The following IGFALS variants were observed in gnomAD, a reference collection of about 807,000 sequenced individuals.
IGFALS encodes insulin-like growth factor-binding protein complex acid labile subunit.
A neutral mutation model predicts 2.6 loss-of-function variants in IGFALS; 2 were observed. The ratio of observed to expected loss-of-function variants is 0.77; its 90% CI spans 0.32 to 2.44. The LOEUF (loss-of-function observed/expected upper bound fraction) is 2.44, where lower values mean the gene tolerates loss of function less well. Ranked by LOEUF, IGFALS falls within the 30% of genes most tolerant of loss-of-function variation. The pLI is 0.11. For synonymous variants in IGFALS, 519 were observed against 431.9 expected, an observed-to-expected ratio of 1.20 and a Z score of -2.50; for missense variants, 996 against 848.7, an observed-to-expected ratio of 1.17 and a Z score of -2.16.
chr16:1,793,124 G>A (rs908116023), intron 1 of IGFALS, among the ~76,000 whole-genome samples: 12 of 152,228 alleles, frequency 7.9e-5, no homozygotes, highest in Admixed American at 5.9e-4. Flanking sequence ...CTCAGAGAGT[G>A]TGGAATTGCT....
At chr16:1,793,389 CCT>C (rs1238647234) in intron 1 of IGFALS, among the ~76,000 whole-genome samples, 5 of 152,130 alleles carry the variant, frequency 3.3e-5, no homozygotes, top group African/African-American at 1.2e-4. Context: ...GCCCTCCTCC[CCT>C]GTGCCGCCGC....
upstream of IGFALS, among the ~76,000 whole-genome samples, chr16:1,794,489 A>G (rs947022303): frequency 6.6e-6 from 1 of 152,022 alleles, no homozygotes; most frequent in African/African-American, 2.4e-5. Flanking sequence ...GCCGCCCCAC[A>G]GTCACCGCTT....
Position 1,791,939 on chromosome 16 carries a change from C to T in IGFALS, c.479G>A (p.Arg160Lys), listed in dbSNP as rs776330405. ...SLGLSNNRLS[R>K]LEDGLFEGLG... is the part of the protein sequence containing the mutation. ...GCCCTCGAAGAGCCCGTCCTCCAGC[C>T]TGCTCAGACGGTTGTTGCTGAGGCC... Residue 160 changes from arginine (R) to lysine (K), a missense_variant, in exon 2 of 2, where the codon AGG (arginine) becomes AAG (lysine). By Grantham distance (26) the Arg-to-Lys change is conservative. Coordinates refer to ENST00000215539, the MANE Select transcript of IGFALS (RefSeq NM_004970.3). The T allele has an allele frequency of 1.3e-6, 2 of 1,589,932 alleles. No homozygotes were observed. The highest frequency in any genetic ancestry group is 1.7e-6 in the Non-Finnish European group (2 of 1,170,056).
rs1033116111 is a variant in IGFALS at position 1,792,315 on chromosome 16, C to A, written c.103G>T (p.Glu35Ter). Reference protein sequence around the residue: ...LEGADPGTPGEAEGPACPAAC... With the variant: ...LEGADPGTPG ...GCCGGGCACGCTGGGCCCTCGGCTT[C>A]CCCCGGCGTTCCGGGGTCTGCTCCC... Residue 35 changes from glutamate to a stop codon, truncating the protein, a stop_gained, in exon 2 of 2, where the codon GAA becomes TAA. Coordinates refer to ENST00000215539, the MANE Select transcript of IGFALS (RefSeq NM_004970.3). LOFTEE classifies it low-confidence loss of function (END_TRUNC). 6.3e-7 allele frequency: 1 copy of A among 1,596,694 alleles called. No homozygotes were observed.
rs1026935060 is a variant in IGFALS at position 1,793,664 on chromosome 16, G to T, written c.-12C>A. 1 of 1,593,360 alleles carries T rather than the reference G, an allele frequency of 6.3e-7. No homozygotes were observed. The highest frequency in any genetic ancestry group is 1.7e-5 in the Admixed American group (1 of 58,064). ...TTCCTCAGGGCCATCCTGCATGCAG[G>T]GCAGGCTGCAGGCAGGCAGCGAGGG... On this transcript the variant is annotated 5_prime_UTR_variant, in exon 1 of 2. Coordinates refer to ENST00000215539, the MANE Select transcript of IGFALS (RefSeq NM_004970.3).
chr16:1,792,369 A>G lies in IGFALS; in HGVS notation c.49T>C (p.Trp17Arg). ...AGGCTGCGGGGGCCCAGTGCCACCC[A>G]GGACAGCAGCAGCAGCGCCAGGGCC... ...GLALALLLLS[W>R]VALGPRSLEG... The change falls in exon 2 of 2, where the codon TGG (tryptophan) becomes CGG (arginine). Residue 17 changes from tryptophan (W) to arginine (R), a missense_variant. Coordinates refer to ENST00000215539, the MANE Select transcript of IGFALS (RefSeq NM_004970.3). 6.3e-7 allele frequency: 1 copy of G among 1,584,584 alleles called. No individual in the cohort carries two copies. The highest frequency in any genetic ancestry group is 8.5e-7 in the Non-Finnish European group (1 of 1,169,630).
In IGFALS at chr16:1,793,631, C is replaced by T. The variant is rs752481536; in HGVS notation, c.16+6G>A. 6.3e-7 allele frequency: 1 copy of T among 1,595,354 alleles called. No homozygotes were observed. Among genetic ancestry groups the T allele is most frequent in the African/African-American group, 1.3e-5 (1 of 74,572 alleles). On this transcript the variant is annotated splice_donor_region_variant and intron_variant, in intron 1 of 1. Transcript: ENST00000215539. ...GAGTGGGTGGCGGGGCACTCGGGGG[C>T]CTCACCTTTCCTCAGGGCCATCCTG...
chr16:1,793,983 C>G (rs138445556), upstream of IGFALS, among the ~76,000 whole-genome samples: 1 of 152,134 alleles, frequency 6.6e-6, no homozygotes, highest in East Asian at 1.9e-4. Flanking sequence ...GTGGGGACCC[C>G]TTGCAGCAGC....
Position 1,791,465 on chromosome 16 carries a change from T to C in IGFALS, c.953A>G (p.Glu318Gly). 6.2e-7 allele frequency: 1 copy of C among 1,612,286 alleles called. No homozygotes were observed. ...RTFKDLHFLEELQLGHNRIRQ... is the reference protein window; with the variant it reads ...RTFKDLHFLEGLQLGHNRIRQ... ...GATGCGGTTGTGGCCCAGCTGCAGC[T>C]CCTCCAGGAAGTGCAGGTCCTTGAA... The change falls in exon 2 of 2, where the codon GAG becomes GGG. Residue 318 changes from glutamate to glycine, a missense_variant. By Grantham distance (98) the Glu-to-Gly change is moderately conservative (BLOSUM62 -2). Transcript: ENST00000215539.
At chr16:1,793,798 A>C, upstream of IGFALS, 4 of 725,924 alleles carry the variant, frequency 5.5e-6, no homozygotes, top group South Asian at 2.0e-5. Flanking sequence ...GGCTCTGTTA[A>C]CCCCCTCGTG....
At position 1,790,962 on chromosome 16, in the gene IGFALS, A is replaced by C; in HGVS notation, c.1456T>G (p.Trp486Gly). ...DALGPLQRAFWLDVSHNRLEA... is the reference protein window; with the variant it reads ...DALGPLQRAFGLDVSHNRLEA... Reference sequence around the variant, plus strand: ...AGGCGGTTGTGCGAGACGTCCAGCCAGAAGGCCCGCTGCAGGGGGCCCAGG... The same window carrying C: ...AGGCGGTTGTGCGAGACGTCCAGCCCGAAGGCCCGCTGCAGGGGGCCCAGG... Residue 486 changes from tryptophan (W) to glycine (G), a missense_variant, in exon 2 of 2, where the codon TGG (tryptophan) becomes GGG (glycine). Physicochemically the swap from Trp to Gly is radical, Grantham distance 184 (BLOSUM62 -2). Transcript: ENST00000215539. 6 of 1,596,960 alleles carry C rather than the reference A, an allele frequency of 3.8e-6. No homozygotes were observed. The highest frequency in any genetic ancestry group is 5.1e-6 in the Non-Finnish European group (6 of 1,179,022).
Position 1,790,748 on chromosome 16 carries a change from G to A in IGFALS, c.1670C>T (p.Ala557Val), listed in dbSNP as rs1236991661. 1.2e-6 allele frequency: 2 copies of A among 1,603,220 alleles called. No individual in the cohort carries two copies. The highest frequency in any genetic ancestry group is 1.7e-5 in the Admixed American group (1 of 58,496). ...LRDFALQNPS[A>V]VPRFVQAICE... ...GATGGCCTGGACGAAGCGGGGCACAGCACTGGGGTTCTGCAGGGCGAAGTC... is the reference window on the plus strand; with the variant it reads ...GATGGCCTGGACGAAGCGGGGCACAACACTGGGGTTCTGCAGGGCGAAGTC... Residue 557 changes from alanine (A) to valine (V), a missense_variant, in exon 2 of 2, where the codon GCT (alanine) becomes GTT (valine). By Grantham distance (64) the Ala-to-Val change is moderately conservative. Transcript: ENST00000215539.
chr16:1,792,505 G>A (rs903386241), intron 1 of IGFALS, 104 bp from the exon 2 acceptor site: 21 of 1,436,220 alleles, frequency 1.5e-5, no homozygotes, highest in East Asian at 2.5e-5. Flanking sequence ...ACTGAGGCTC[G>A]AGGTCACCCG....
rs770763928 is a variant in IGFALS, at chr16:1,793,644, C to G, written c.9G>C (p.Leu3=). The G allele has an allele frequency of 1.9e-6, 3 of 1,596,966 alleles. No individual in the cohort carries two copies. The highest frequency in any genetic ancestry group is 2.6e-6 in the Non-Finnish European group (3 of 1,171,610). The part of the protein sequence containing the change: MA[L]RKGGLALALL... Reference sequence around the variant, plus strand: ...GGCACTCGGGGGCCTCACCTTTCCTCAGGGCCATCCTGCATGCAGGGCAGG... The same window carrying G: ...GGCACTCGGGGGCCTCACCTTTCCTGAGGGCCATCCTGCATGCAGGGCAGG... The change falls in exon 1 of 2, where the codon CTG becomes CTC. Residue 3 remains leucine, a synonymous_variant. Coordinates refer to ENST00000215539, the MANE Select transcript of IGFALS (RefSeq NM_004970.3).
chr16:1,791,841 G>T lies in IGFALS; in HGVS notation c.577C>A (p.Leu193Met). 1 of 1,551,248 alleles carries T rather than the reference G, an allele frequency of 6.4e-7. No individual in the cohort carries two copies. The change falls in exon 2 of 2, where the codon CTG (leucine) becomes ATG (methionine). Residue 193 changes from leucine to methionine, a missense_variant. By Grantham distance (15) the Leu-to-Met change is conservative. Transcript: ENST00000215539. Reference protein sequence around the residue: ...AVLPDAAFRGLGSLRELVLAG... With the variant: ...AVLPDAAFRGMGSLRELVLAG... ...AGCACCAGCTCGCGCAGGCTGCCCA[G>T]GCCGCGGAACGCCGCATCGGGGAGC...
chr16:1,793,576 G>T, intron 1 of IGFALS, 61 bp downstream of exon 1: 1 of 1,534,692 alleles, frequency 6.5e-7, no homozygotes, highest in South Asian at 1.2e-5. Flanking sequence ...TCTCCCCAGC[G>T]GGCTCAGGGT....
Position 1,791,257 on chromosome 16 carries a change from C to G in IGFALS, c.1161G>C (p.Lys387Asn). ...LPEQVFRGLGKLHSLHLEGSC... is the reference protein window; with the variant it reads ...LPEQVFRGLGNLHSLHLEGSC... Reference sequence around the variant, plus strand: ...TGCCCTCCAGGTGCAGGCTGTGCAGCTTGCCCAGGCCCCGGAACACCTGCT... The same window carrying G: ...TGCCCTCCAGGTGCAGGCTGTGCAGGTTGCCCAGGCCCCGGAACACCTGCT... Residue 387 changes from lysine to asparagine, a missense_variant, in exon 2 of 2, where the codon AAG becomes AAC. Lys to Asn is a moderately conservative substitution (Grantham distance 94, BLOSUM62 0). Transcript: ENST00000215539. The G allele has an allele frequency of 6.2e-7, 1 of 1,609,006 alleles. No homozygotes were observed. The highest frequency in any genetic ancestry group is 8.5e-7 in the Non-Finnish European group (1 of 1,179,908).
rs201115867 is a variant in IGFALS, at chr16:1,790,642, G to A, written c.1776C>T (p.Leu592=). 39 of 1,588,536 alleles carry A rather than the reference G, an allele frequency of 2.5e-5. No individual in the cohort carries two copies. The African/African-American group carries it at 3.5e-4, about 14-fold the overall frequency. The part of the protein sequence containing the change: ...TCASPPEVVG[L]DLRDLSEAHF... The stretch of plus-strand genomic sequence containing the variant: ...GGGCCTCGCTGAGGTCCCGCAGGTC[G>A]AGCCCCACGACCTCGGGCGGGCTGG... The change falls in exon 2 of 2, where the codon CTC becomes CTT. Residue 592 remains leucine (L), a synonymous_variant. Coordinates refer to ENST00000215539, the MANE Select transcript of IGFALS (RefSeq NM_004970.3).
At position 1,791,487 on chromosome 16, in the gene IGFALS, T is replaced by C. The variant is rs1166055311; in HGVS notation, c.931A>G (p.Lys311Glu). The change falls in exon 2 of 2, where the codon AAG becomes GAG. Residue 311 changes from lysine to glutamate, a missense_variant. By Grantham distance (56) the Lys-to-Glu change is moderately conservative. Transcript: ENST00000215539. ...AGCTCCTCCAGGAAGTGCAGGTCCT[T>C]GAAGGTGCGGGGCCGCAGGCTGGCG... ...AIASLRPRTFKDLHFLEELQL... is the reference protein window; with the variant it reads ...AIASLRPRTFEDLHFLEELQL... The C allele has an allele frequency of 6.2e-7, 1 of 1,611,654 alleles. No individual in the cohort carries two copies. The highest frequency in any genetic ancestry group is 1.7e-5 in the Admixed American group (1 of 59,902).
Sources: gnomAD v4.1 joint callset for allele counts (sites outside exome capture counted in the v4.1 genomes callset) on GRCh38, gnomAD v4.1.1 for gene constraint, MANE v1.5 for transcripts, NCBI Gene and HGNC (gene_info 2026-07-23, HGNC 2026-07-21) for gene names.